Variants in KIF21B observed in about 807,000 individuals in gnomAD.
KIF21B encodes the protein kinesin-like protein KIF21B.
In KIF21B, 85 loss-of-function variants were observed where a neutral mutation model predicts 192.9. That is an observed-to-expected ratio of 0.44 (90% CI 0.37 to 0.53). KIF21B has a LOEUF of 0.53. Among genes scored for constraint, KIF21B ranks in the 20% least tolerant of loss-of-function variants. KIF21B has a pLI of 0.00. For synonymous variants in KIF21B, 832 were observed against 884.6 expected (o/e 0.94, Z 1.05); for missense variants, 1,716 against 2,194.8 (o/e 0.78, Z 4.36).
chr1:200,998,579 TG>T lies in KIF21B; in HGVS notation c.1886-5del. ...AGGTCCGCCTGGAAGTTCACCTCTA[TG>T]GGGGCACAATCAGGCTCAGCCCAGC... On this transcript the variant is annotated splice_polypyrimidine_tract_variant and splice_region_variant and intron_variant, in intron 13 of 34. Transcript: ENST00000461742. The surrounding 1 kb of genome is among the most constrained non-coding windows in gnomAD (Gnocchi z 4.3). 1 of 1,612,294 alleles carries T rather than the reference TG, an allele frequency of 6.2e-7. No homozygotes were observed.
At chr1:200,996,712 T>C (rs558595446) in intron 14 of KIF21B, among the ~76,000 whole-genome samples, 3 of 152,238 alleles carry the variant, frequency 2.0e-5, no homozygotes, top group South Asian at 2.1e-4. Flanking sequence ...TGACCCATGA[T>C]CCAGTGTTGG....
chr1:201,008,266 AGACCTTTCCTAGAG>A (rs1411523343), intron 3 of KIF21B, among the ~76,000 whole-genome samples: 1 of 152,210 alleles, frequency 6.6e-6, no homozygotes, highest in Non-Finnish European at 1.5e-5. Flanking sequence ...GTGCACAGAA[AGACCTTTCCTAGAG>A]GACCTTTCTG....
intron 1 of KIF21B, among the ~76,000 whole-genome samples, chr1:201,014,302 G>C (rs913946499): frequency 4.6e-5 from 7 of 152,222 alleles, no homozygotes; most frequent in African/African-American, 1.7e-4. Context: ...CCCTGCCCCT[G>C]ACCCGCTGGG....
In KIF21B at chr1:200,999,684, C is replaced by T. The variant is rs1306738795; in HGVS notation, c.1767+199G>A. 1.3e-5 allele frequency among the ~76,000 whole-genome samples: 2 copies of T among 152,000 alleles called. No homozygotes were observed. The highest frequency in any genetic ancestry group is 2.9e-5 in the Non-Finnish European group (2 of 67,982). On this transcript the variant is annotated intron_variant, in intron 12 of 34. Coordinates refer to ENST00000461742, the MANE Select transcript of KIF21B (RefSeq NM_001252102.2). This position sits in a 1 kb window ranked among gnomAD's most constrained non-coding sequence, Gnocchi z 4.7. ...GGAGGGCCTCCCCACCTGCATCATC[C>T]GTTTGGGATGAGGTGGGGTCCTAGG...
chr1:200,975,414 C>T lies in KIF21B; in HGVS notation c.4614+85G>A, dbSNP rs997492852. The T allele has an allele frequency of 1.1e-5, 14 of 1,315,792 alleles. No individual in the cohort carries two copies. The highest frequency in any genetic ancestry group is 4.4e-5 in the African/African-American group (3 of 67,812). 81.5% of individuals were successfully genotyped at this position (1,315,792 alleles called of 1,614,324 possible). On this transcript the variant is annotated intron_variant, in intron 33 of 34. Coordinates refer to ENST00000461742, the MANE Select transcript of KIF21B (RefSeq NM_001252102.2). This position sits in a 1 kb window ranked among gnomAD's most constrained non-coding sequence, Gnocchi z 4.3. The stretch of plus-strand genomic sequence containing the variant: ...CCATCTGGCCTGGGGCCCGCGAGTC[C>T]AGGTCCCAGGGTCTCCAAGGCCCTG...
In KIF21B at chr1:200,983,311, G is replaced by T. The variant is rs1656070261; in HGVS notation, c.3804-217C>A. Among the ~76,000 whole-genome samples the T allele has an allele frequency of 2.0e-5, 3 of 152,208 alleles. No individual in the cohort carries two copies. The South Asian group carries it at 6.2e-4, about 32-fold the overall frequency. ...CTCTCCCCCAGGAGTGGGCTGCCAG[G>T]GTCTCTCGGCTGGCAAGGGAGGAGC... is the stretch of plus-strand genomic sequence containing the variant. On this transcript the variant is annotated intron_variant, in intron 27 of 34. Coordinates refer to ENST00000461742, the MANE Select transcript of KIF21B (RefSeq NM_001252102.2).
At chr1:201,021,747 G>T (rs1394266149) in intron 1 of KIF21B, among the ~76,000 whole-genome samples, 1 of 152,082 alleles carries the variant, frequency 6.6e-6, no homozygotes, top group Non-Finnish European at 1.5e-5. Flanking sequence ...GAAACCCCCT[G>T]TGGAAAGGGC....
At chr1:201,020,347 G>C (rs1452674384) in intron 1 of KIF21B, among the ~76,000 whole-genome samples, 2 of 152,154 alleles carry the variant, frequency 1.3e-5, no homozygotes, top group African/African-American at 4.8e-5. Flanking sequence ...CTGCAGCCTG[G>C]GGCAGGTCAC....
rs1433719158 is a variant in KIF21B, at chr1:200,982,478, C to A, written c.3842+578G>T. Among the ~76,000 whole-genome samples the A allele has an allele frequency of 6.6e-6, 1 of 152,194 alleles. No individual in the cohort carries two copies. The highest frequency in any genetic ancestry group is 1.5e-5 in the Non-Finnish European group (1 of 68,020). ...GTCATGCTCGGCTGGCTGGGAGAAC[C>A]AGCCTCCAGCCATCCCACAGGCTGC... On this transcript the variant is annotated intron_variant, in intron 28 of 34. Transcript: ENST00000461742. This position sits in a 1 kb window ranked among gnomAD's most constrained non-coding sequence, Gnocchi z 4.7.
rs1656570190 is a variant in KIF21B, at chr1:200,989,948, A to G, written c.3126T>C (p.Ile1042=). ...ATGTACGCTCCCAGCTTACCTTGTC[A>G]ATGGATGCCTTGAGGAAGTTGTCTA... ...LLLDNFLKAS[I]DKGLQVAQKE... The change falls in exon 21 of 35, where the codon ATT becomes ATC. Residue 1042 remains isoleucine (I), a synonymous_variant. Coordinates refer to ENST00000461742, the MANE Select transcript of KIF21B (RefSeq NM_001252102.2). 6.2e-7 allele frequency: 1 copy of G among 1,613,510 alleles called. No homozygotes were observed. Among genetic ancestry groups the G allele is most frequent in the Admixed American group, 1.7e-5 (1 of 59,996 alleles).
At chr1:201,005,037 C>T in intron 5 of KIF21B, 104 bp from the exon 6 acceptor site, 1 of 1,328,804 alleles carries the variant, frequency 7.5e-7, no homozygotes, top group Non-Finnish European at 1.0e-6. Context: ...CGGCCAAGCG[C>T]CTTGCCCTTC....
In KIF21B at chr1:200,990,877, C is replaced by T. The variant is rs778776399; in HGVS notation, c.2687+40G>A. On this transcript the variant is annotated intron_variant, in intron 18 of 34. Transcript: ENST00000461742. This position sits in a 1 kb window ranked among gnomAD's most constrained non-coding sequence, Gnocchi z 5.4. ...TGGCCCTGCCCCATATTCCCACCCC[C>T]TCTGCCTGCACAGGCCAGGGGACTG... 1.2e-6 allele frequency: 2 copies of T among 1,611,378 alleles called. No homozygotes were observed. The highest frequency in any genetic ancestry group is 1.3e-5 in the African/African-American group (1 of 74,892).
chr1:200,983,223 C>A (rs1217638477), intron 27 of KIF21B, 129 bp from the exon 28 acceptor site: 6 of 788,032 alleles, frequency 7.6e-6, no homozygotes, highest in Non-Finnish European at 1.1e-5. Flanking sequence ...CAGAGACAGG[C>A]AGAGGAATGA....
At position 200,981,864 on chromosome 1, in the gene KIF21B, G is replaced by T. The variant is rs568610350; in HGVS notation, c.3843-768C>A. Among the ~76,000 whole-genome samples, 10 of 152,258 alleles carry T rather than the reference G, an allele frequency of 6.6e-5. No individual in the cohort carries two copies. In the South Asian group the frequency reaches 1.0e-3, roughly 16 times the overall value. On this transcript the variant is annotated intron_variant, in intron 28 of 34. Transcript: ENST00000461742. ...GAGGCTGGCCCAAGTGAGCGTGAGG[G>T]TTTTGCCACATCCAGCTTCCTGAGG...
At chr1:200,996,741 G>A (rs1488861503) in intron 14 of KIF21B, among the ~76,000 whole-genome samples, 1 of 152,196 alleles carries the variant, frequency 6.6e-6, no homozygotes, top group Non-Finnish European at 1.5e-5. Flanking sequence ...GCTGGGGCCT[G>A]TGGGAAGGGG....
At position 200,982,555 on chromosome 1, in the gene KIF21B, C is replaced by T. The variant is rs887510161; in HGVS notation, c.3842+501G>A. ...TGTGCTAACAGGTGTGGGCAAGGGG[C>T]GCTGCCCCCATGGTGCCCCTCCCCC... is the stretch of plus-strand genomic sequence containing the variant. On this transcript the variant is annotated intron_variant, in intron 28 of 34. Transcript: ENST00000461742. This position sits in a 1 kb window ranked among gnomAD's most constrained non-coding sequence, Gnocchi z 4.7. 3.3e-5 allele frequency among the ~76,000 whole-genome samples: 5 copies of T among 152,178 alleles called. No homozygotes were observed. The highest frequency in any genetic ancestry group is 1.9e-4 in the East Asian group (1 of 5,192).
chr1:201,006,211 G>C (rs1392157165), intron 3 of KIF21B, among the ~76,000 whole-genome samples: 1 of 152,258 alleles, frequency 6.6e-6, no homozygotes, highest in Non-Finnish European at 1.5e-5. Flanking sequence ...TTGGCAGCGG[G>C]TGGGCATGGA....
chr1:200,976,641 C>T, intron 32 of KIF21B, 135 bp downstream of exon 32: 1 of 523,434 alleles, frequency 1.9e-6, no homozygotes, highest in South Asian at 3.9e-5. Context: ...AAATTCTTGC[C>T]TTCTTTGGGG....
At chr1:200,985,829 C>T (rs1656260343) in intron 26 of KIF21B, among the ~76,000 whole-genome samples, 1 of 91,784 alleles carries the variant, frequency 1.1e-5, no homozygotes, top group Non-Finnish European at 2.3e-5. Flanking sequence ...CCCTTCCCTT[C>T]CCTTTTTTTT....
Sources: allele counts gnomAD v4.1 joint callset (sites outside exome capture counted in the v4.1 genomes callset), GRCh38; gene constraint gnomAD v4.1.1; non-coding constraint Gnocchi (gnomAD v3.1); transcripts MANE v1.5; gene names NCBI Gene and HGNC (gene_info 2026-07-23, HGNC 2026-07-21).